Variants in GNE observed in about 807,000 individuals in gnomAD.
GNE encodes the protein glucosamine (UDP-N-acetyl)-2-epimerase/N-acetylmannosamine kinase.
In GNE, 41 loss-of-function variants were observed where a neutral mutation model predicts 61.8. That is an observed-to-expected ratio of 0.66 (90% CI 0.52 to 0.86). The LOEUF is 0.86. GNE is among the 40% of genes least tolerant of loss of function. The probability of loss-of-function intolerance (pLI) is 0.00; values close to 1 mark genes in which losing one functional copy is unlikely to be tolerated. For missense variants in GNE, 608 were observed against 909.1 expected, an observed-to-expected ratio of 0.67 and a Z score of 4.26; for synonymous variants, 264 against 326.4, an observed-to-expected ratio of 0.81 and a Z score of 2.06.
intron 1 of GNE, 143 bp from the exon 2 acceptor site, chr9:36,249,540 G>C (rs1830033602): frequency 1.6e-6 from 1 of 621,082 alleles, no homozygotes; most frequent in Admixed American, 3.0e-5. Flanking sequence ...ATCTTTTTTT[G>C]CACCTCCACT....
Position 36,245,460 on chromosome 9 carries a change from G to A in GNE, c.616+571C>T, listed in dbSNP as rs183353563. 3.9e-4 allele frequency among the ~76,000 whole-genome samples: 59 copies of A among 152,068 alleles called. No homozygotes were observed. In the East Asian group the frequency reaches 9.1e-3, roughly 24 times the overall value. On this transcript the variant is annotated intron_variant, in intron 3 of 11. Coordinates refer to ENST00000642385, the MANE Select transcript of GNE (RefSeq NM_005476.7). Reference sequence around the variant, plus strand: ...AGCACTTTGGGAGCCCAAGGTGGGCGGATCACTTGAGGTCAGGAGTTCGAG... The same window carrying A: ...AGCACTTTGGGAGCCCAAGGTGGGCAGATCACTTGAGGTCAGGAGTTCGAG...
Position 36,229,022 on chromosome 9 carries a change from A to T in GNE, c.1069T>A (p.Cys357Ser). 1 of 1,562,702 alleles carries T rather than the reference A, an allele frequency of 6.4e-7. No homozygotes were observed. Among genetic ancestry groups the T allele is most frequent in the Non-Finnish European group, 8.8e-7 (1 of 1,133,230 alleles). Residue 357 changes from cysteine (C) to serine (S), a missense_variant and splice_region_variant, in exon 6 of 12, where the codon TGT becomes AGT. Physicochemically the swap from Cys to Ser is moderately radical, Grantham distance 112. Coordinates refer to ENST00000642385, the MANE Select transcript of GNE (RefSeq NM_005476.7). The part of the protein sequence containing the change: ...LHLQFGKQYP[C>S]SKIYGDGNAV... ...CAACAAAGAATGTTTTATACTCACC[A>T]AGGGTACTGTTTACCAAACTGAAGG... is the stretch of plus-strand genomic sequence containing the variant.
intron 5 of GNE, among the ~76,000 whole-genome samples, chr9:36,230,576 C>T (rs1829097224): frequency 6.6e-6 from 1 of 152,094 alleles, no homozygotes; most frequent in African/African-American, 2.4e-5. Context: ...CCCGCCTCAG[C>T]CTCCTGAGTA....
Position 36,217,412 on chromosome 9 carries a change from C to T in GNE, c.2122G>A (p.Gly708Ser), listed in dbSNP as rs1554657922. 6.2e-7 allele frequency: 1 copy of T among 1,614,062 alleles called. No homozygotes were observed. The highest frequency in any genetic ancestry group is 2.2e-5 in the East Asian group (1 of 44,886). ...TAGTCCAGAACCATGCTGGCAGCAC[C>T]CAGCAGGGCGGGGTCAACCAAATCC... ...VSDLVDPALLGAASMVLDYTT... is the reference protein window; with the variant it reads ...VSDLVDPALLSAASMVLDYTT... Residue 708 changes from glycine (G) to serine (S), a missense_variant, in exon 12 of 12, where the codon GGT (glycine) becomes AGT (serine). Gly to Ser is a moderately conservative substitution (Grantham distance 56). Coordinates refer to ENST00000642385, the MANE Select transcript of GNE (RefSeq NM_005476.7).
In GNE at chr9:36,217,594, G is replaced by C. The variant is rs1195622660; in HGVS notation, c.1940C>G (p.Thr647Arg). ...GTTCACAACCCCAAGACCCAAAGCT[G>C]TTCCAGCTATAGGGAGACAAAAATT... is the stretch of plus-strand genomic sequence containing the variant. ...KAQSILRTAG[T>R]ALGLGVVNIL... Residue 647 changes from threonine (T) to arginine (R), a missense_variant, in exon 12 of 12, where the codon ACA becomes AGA. By Grantham distance (71) the Thr-to-Arg change is moderately conservative. Coordinates refer to ENST00000642385, the MANE Select transcript of GNE (RefSeq NM_005476.7). 2 of 1,607,974 alleles carry C rather than the reference G, an allele frequency of 1.2e-6. No individual in the cohort carries two copies. The highest frequency in any genetic ancestry group is 1.7e-5 in the Admixed American group (1 of 60,000).
Position 36,216,640 on chromosome 9 carries a change from G to GATGATT in GNE, c.*724_*725insAATCAT, listed in dbSNP as rs371217125. 19 of 131,558 alleles carry GATGATT rather than the reference G, an allele frequency of 1.4e-4. No homozygotes were observed. The highest frequency in any genetic ancestry group is 2.0e-4 in the African/African-American group (7 of 34,446). 8.1% of individuals were successfully genotyped at this position (131,558 alleles called of 1,614,324 possible). ...GTGAGCCACTGCGCCCAGCTGGAAG[G>GATGATT]ATTATTATTATTATTATTATTATTA... is the stretch of plus-strand genomic sequence containing the variant. On this transcript the variant is annotated 3_prime_UTR_variant, in exon 12 of 12. Coordinates refer to ENST00000642385, the MANE Select transcript of GNE (RefSeq NM_005476.7).
intron 1 of GNE, among the ~76,000 whole-genome samples, chr9:36,256,106 T>C (rs1229267804): frequency 6.6e-6 from 1 of 152,038 alleles, no homozygotes; most frequent in Non-Finnish European, 1.5e-5. Context: ...TTTGTATTTT[T>C]AGTAGAGGTG....
At chr9:36,265,045 G>A (rs1231001506) in intron 1 of GNE, 2 of 291,472 alleles carry the variant, frequency 6.9e-6, no homozygotes, top group Non-Finnish European at 1.3e-5. Context: ...TCGCAGACCC[G>A]CCGCTGACTT....
At chr9:36,231,469 C>CA (rs1417060682) in intron 5 of GNE, among the ~76,000 whole-genome samples, 3 of 152,160 alleles carry the variant, frequency 2.0e-5, no homozygotes, top group African/African-American at 7.2e-5. Flanking sequence ...AACAAACAAA[C>CA]AAAAAAGACT....
At chr9:36,265,761 T>A (rs1830755744) in intron 1 of GNE, among the ~76,000 whole-genome samples, 1 of 152,118 alleles carries the variant, frequency 6.6e-6, no homozygotes, top group South Asian at 2.1e-4. Flanking sequence ...AGGCATTAAA[T>A]TCTCATAAGG....
chr9:36,258,476 C>A (rs1830491439), upstream of GNE: 9 of 985,584 alleles, frequency 9.1e-6, no homozygotes, highest in Non-Finnish European at 1.1e-5. Flanking sequence ...TGTCCCCACT[C>A]CTCGCTCGCC....
intron 1 of GNE, among the ~76,000 whole-genome samples, chr9:36,266,406 A>G (rs570992400): frequency 6.6e-6 from 1 of 152,380 alleles, no homozygotes; most frequent in South Asian, 2.1e-4. Context: ...CCTGTTGCAG[A>G]ATAGCCTTAT....
intron 1 of GNE, among the ~76,000 whole-genome samples, chr9:36,253,363 C>T (rs1168101814): frequency 6.6e-6 from 1 of 151,448 alleles, no homozygotes; most frequent in Non-Finnish European, 1.5e-5. Context: ...GCAACTTCCA[C>T]CTCCCCAGTT....
intron 5 of GNE, among the ~76,000 whole-genome samples, chr9:36,230,660 CTT>C (rs879665160): frequency 9.3e-5 from 13 of 139,100 alleles, no homozygotes; most frequent in African/African-American, 1.0e-4. Flanking sequence ...ATATCACTAT[CTT>C]TTTTTTTTTT....
At chr9:36,274,028 A>G (rs2133203516) in intron 1 of GNE, among the ~76,000 whole-genome samples, 1 of 151,990 alleles carries the variant, frequency 6.6e-6, no homozygotes, top group East Asian at 1.9e-4. Context: ...TTAATGGGGC[A>G]TAAAATTCTG....
intron 1 of GNE, among the ~76,000 whole-genome samples, chr9:36,256,265 T>G (rs1830336311): frequency 1.4e-5 from 1 of 70,042 alleles, no homozygotes; most frequent in Admixed American, 1.5e-4. Flanking sequence ...TTTTTTTTTT[T>G]TGAGACAGAC....
At chr9:36,272,414 G>T (rs1234371972) in intron 1 of GNE, among the ~76,000 whole-genome samples, 1 of 152,002 alleles carries the variant, frequency 6.6e-6, no homozygotes, top group Non-Finnish European at 1.5e-5. Flanking sequence ...AAGTTCAGGA[G>T]ATCGAGACCA....
chr9:36,272,909 T>TAA (rs1303717800), intron 1 of GNE, among the ~76,000 whole-genome samples: 2 of 35,700 alleles, frequency 5.6e-5, no homozygotes, highest in African/African-American at 1.1e-4. Context: ...CCTCATCTAG[T>TAA]AAAAATACAA....
chr9:36,218,681 C>T lies in GNE; in HGVS notation c.1817-382G>A, dbSNP rs112583416. ...GACACAATGCTGTGCCATCTGCCAGCGCCACGCGTTCTATGGCAGCGAGGC... is the reference window on the plus strand; with the variant it reads ...GACACAATGCTGTGCCATCTGCCAGTGCCACGCGTTCTATGGCAGCGAGGC... On this transcript the variant is annotated intron_variant, in intron 10 of 11. Transcript: ENST00000642385. The surrounding 1 kb of genome is among the most constrained non-coding windows in gnomAD (Gnocchi z 4.1). Among the ~76,000 whole-genome samples the T allele has an allele frequency of 1.3e-4, 20 of 152,334 alleles. 2 individuals carry two copies. Among genetic ancestry groups the T allele is most frequent in the African/African-American group, 3.8e-4 (16 of 41,582 alleles).
Sources: allele counts gnomAD v4.1 joint callset (sites outside exome capture counted in the v4.1 genomes callset), GRCh38; gene constraint gnomAD v4.1.1; non-coding constraint Gnocchi (gnomAD v3.1); transcripts MANE v1.5; gene names NCBI Gene and HGNC (gene_info 2026-07-23, HGNC 2026-07-21).